EXOC6: variants seen among roughly 807,000 people sequenced by gnomAD.
The protein encoded by EXOC6 is SEC15-like 1.
A neutral mutation model predicts 112.5 loss-of-function variants in EXOC6; 60 were observed. That is an observed-to-expected ratio of 0.53 (90% CI 0.43 to 0.66). The LOEUF is 0.66. EXOC6 is among the 30% of genes least tolerant of loss of function. The probability of loss-of-function intolerance (pLI) is 0.00; values close to 1 mark genes in which losing one functional copy is unlikely to be tolerated. For missense variants in EXOC6, 855 were observed against 957.1 expected, an observed-to-expected ratio of 0.89 and a Z score of 1.41; for synonymous variants, 295 against 308.0, an observed-to-expected ratio of 0.96 and a Z score of 0.44.
rs952612251 is a variant in EXOC6 at position 92,951,852 on chromosome 10, G to T, written c.1417-421G>T. Among the ~76,000 whole-genome samples the T allele has an allele frequency of 7.2e-5, 11 of 152,282 alleles. No homozygotes were observed. In the East Asian group the frequency reaches 2.1e-3, roughly 29 times the overall value. On this transcript the variant is annotated intron_variant, in intron 14 of 21. Transcript: ENST00000260762. ...AATTGGCATCAAGCCTTCACTGAAG[G>T]TAAATGAAGGGAGTCTTAGAATTAT...
chr10:92,874,856 G>A (rs1393064304), intron 1 of EXOC6, among the ~76,000 whole-genome samples: 1 of 152,084 alleles, frequency 6.6e-6, no homozygotes, highest in Non-Finnish European at 1.5e-5. Flanking sequence ...CTTGGTGGAG[G>A]ATGACCACCT....
chr10:92,910,553 C>G (rs1480400033), intron 6 of EXOC6, among the ~76,000 whole-genome samples: 1 of 151,972 alleles, frequency 6.6e-6, no homozygotes, highest in Non-Finnish European at 1.5e-5. Context: ...CAAACTTGTA[C>G]AGATCTTAGC....
intron 12 of EXOC6, among the ~76,000 whole-genome samples, chr10:92,940,389 C>G (rs1852588522): frequency 6.6e-6 from 1 of 152,128 alleles, no homozygotes; most frequent in East Asian, 1.9e-4. Context: ...TATCCTTGGG[C>G]ACCACTTCCC....
At chr10:92,849,547 A>G (rs2050421360) in intron 1 of EXOC6, among the ~76,000 whole-genome samples, 1 of 152,214 alleles carries the variant, frequency 6.6e-6, no homozygotes, top group African/African-American at 2.4e-5. Context: ...TTTTGGAGTG[A>G]TAATAATGAT....
intron 15 of EXOC6, among the ~76,000 whole-genome samples, chr10:92,954,383 T>C (rs1452353655): frequency 6.6e-6 from 1 of 152,232 alleles, no homozygotes; most frequent in East Asian, 1.9e-4. Context: ...CTATGATTTT[T>C]CTGTGGTTGT....
chr10:92,907,997 C>T (rs1399169898), intron 5 of EXOC6, among the ~76,000 whole-genome samples: 1 of 146,630 alleles, frequency 6.8e-6, no homozygotes, highest in South Asian at 2.2e-4. Context: ...ATACTCTTAT[C>T]TTTGAGAGTA....
intron 17 of EXOC6, among the ~76,000 whole-genome samples, chr10:92,959,076 G>A (rs745381626): frequency 1.3e-5 from 2 of 152,084 alleles, no homozygotes; most frequent in Non-Finnish European, 2.9e-5. Flanking sequence ...CCTGGCGGTA[G>A]AGTGAAACTC....
chr10:93,027,311 GT>G (rs1845073542), intron 20 of EXOC6, among the ~76,000 whole-genome samples: 1 of 152,238 alleles, frequency 6.6e-6, no homozygotes, highest in Non-Finnish European at 1.5e-5. Context: ...TAACATAAAC[GT>G]GCAAGATGAA....
intron 17 of EXOC6, among the ~76,000 whole-genome samples, chr10:92,963,407 AC>A (rs1406459781): frequency 6.6e-6 from 1 of 152,162 alleles, no homozygotes; most frequent in Non-Finnish European, 1.5e-5. Context: ...CATAACTCTT[AC>A]AGTAACCTAC....
At chr10:92,948,122 T>G in intron 13 of EXOC6, 152 bp from the exon 14 acceptor site, 1 of 511,156 alleles carries the variant, frequency 2.0e-6, no homozygotes, top group Non-Finnish European at 3.5e-6. Context: ...ATTTTAGAAT[T>G]CTGGATGCTT....
intron 6 of EXOC6, among the ~76,000 whole-genome samples, chr10:92,912,984 G>T (rs532366157): frequency 1.3e-5 from 2 of 152,150 alleles, no homozygotes; most frequent in African/African-American, 4.8e-5. Context: ...CTCCCTGACT[G>T]CACGTCCATT....
intron 20 of EXOC6, among the ~76,000 whole-genome samples, chr10:93,049,162 A>G (rs548446000): frequency 4.3e-4 from 65 of 151,550 alleles, no homozygotes; most frequent in African/African-American, 1.5e-3. Flanking sequence ...GGTTCATGCC[A>G]TTCTCCTGCC....
At chr10:92,880,398 T>C (rs1280414898) in intron 1 of EXOC6, among the ~76,000 whole-genome samples, 1 of 151,632 alleles carries the variant, frequency 6.6e-6, no homozygotes, top group African/African-American at 2.4e-5. Flanking sequence ...AATCCAGGGA[T>C]ACGGAACCCC....
chr10:92,827,474 CAAAAA>C (rs60863083), intron 1 of EXOC6, among the ~76,000 whole-genome samples: 62 of 33,198 alleles, frequency 1.9e-3, no homozygotes, highest in Non-Finnish European at 2.3e-3. Context: ...GCCCTGTTGC[CAAAAA>C]AAAAAAAAAA....
intron 19 of EXOC6, among the ~76,000 whole-genome samples, chr10:93,013,610 A>AAAAAAT (rs543627122): frequency 6.6e-6 from 1 of 152,250 alleles, no homozygotes; most frequent in Admixed American, 6.5e-5. Context: ...TCCGTCTCAA[A>AAAAAAT]AAAAATAAAA....
rs199854213 is a variant in EXOC6, at chr10:93,040,310, G to A, written c.2170-16614G>A. On this transcript the variant is annotated intron_variant, in intron 20 of 21. Coordinates refer to ENST00000260762, the MANE Select transcript of EXOC6 (RefSeq NM_019053.6). Reference sequence around the variant, plus strand: ...GTTGCCCAGGCTGGAGTGCAGTGGCGTGATCTCGGCTCACTGCAAGCTCCG... The same window carrying A: ...GTTGCCCAGGCTGGAGTGCAGTGGCATGATCTCGGCTCACTGCAAGCTCCG... 1.5e-4 allele frequency among the ~76,000 whole-genome samples: 23 copies of A among 152,080 alleles called. No homozygotes were observed. In the East Asian group the frequency reaches 3.5e-3, roughly 23 times the overall value.
intron 20 of EXOC6, among the ~76,000 whole-genome samples, chr10:93,018,040 A>G (rs907646488): frequency 5.3e-5 from 8 of 151,658 alleles, no homozygotes; most frequent in Non-Finnish European, 1.0e-4. Flanking sequence ...TAAAATAAAA[A>G]TAAAAATTTT....
intron 1 of EXOC6, among the ~76,000 whole-genome samples, chr10:92,849,153 C>G (rs898286208): frequency 1.3e-5 from 2 of 152,140 alleles, no homozygotes; most frequent in East Asian, 3.9e-4. Flanking sequence ...GACGCCGGCC[C>G]GCTTTCCCCC....
chr10:93,014,051 G>T, intron 19 of EXOC6, 143 bp from the exon 20 acceptor site: 1 of 640,332 alleles, frequency 1.6e-6, no homozygotes, highest in African/African-American at 1.8e-5. Context: ...AGTGGAAATT[G>T]AAGTTTATAA....
Sources: allele counts gnomAD v4.1 joint callset (sites outside exome capture counted in the v4.1 genomes callset), GRCh38; gene constraint gnomAD v4.1.1; transcripts MANE v1.5; gene names NCBI Gene and HGNC (gene_info 2026-07-23, HGNC 2026-07-21).